Variants in GABRA6 observed in about 807,000 individuals in gnomAD.
GABRA6 encodes gamma-aminobutyric acid receptor subunit alpha-6.
In GABRA6, 45 loss-of-function variants were observed where a neutral mutation model predicts 47.3. The observed-to-expected ratio is 0.95, with a 90% confidence interval of 0.75 to 1.22. GABRA6 has a LOEUF of 1.22. Among genes scored for constraint, GABRA6 ranks in the 50% most tolerant of loss-of-function variants. The pLI is 0.00. For missense variants in GABRA6, 583 were observed against 549.3 expected, an observed-to-expected ratio of 1.06 and a Z score of -0.61; for synonymous variants, 219 against 194.7, an observed-to-expected ratio of 1.12 and a Z score of -1.04.
intron 8 of GABRA6, among the ~76,000 whole-genome samples, chr5:161,696,277 C>T (rs747448913): frequency 3.3e-5 from 5 of 152,004 alleles, no homozygotes; most frequent in Non-Finnish European, 7.4e-5. Flanking sequence ...TACCATGCTG[C>T]TTTCATCTAT....
rs1421880753 is a variant in GABRA6 at position 161,686,026 on chromosome 5, T to C, written c.37T>C (p.Trp13Arg). The C allele has an allele frequency of 1.2e-6, 2 of 1,613,572 alleles. No individual in the cohort carries two copies. The highest frequency in any genetic ancestry group is 1.7e-6 in the Non-Finnish European group (2 of 1,179,616). ...TCTGCCCTGGCTGTGCATTATTCTG[T>C]GGTGAGTAAGATCCTTTTTCCTGAT... ...SSLPWLCIIL[W>R]LENALGKLEV... The change falls in exon 1 of 9, where the codon TGG becomes CGG. Residue 13 changes from tryptophan to arginine, a missense_variant and splice_region_variant. Trp to Arg is a moderately radical substitution (Grantham distance 101). Coordinates refer to ENST00000274545, the MANE Select transcript of GABRA6 (RefSeq NM_000811.3).
rs765245163 is a variant in GABRA6, at chr5:161,701,504, G to A, written c.1093G>A (p.Asp365Asn). The change falls in exon 9 of 9, where the codon GAC becomes AAC. Residue 365 changes from aspartate to asparagine, a missense_variant. Coordinates refer to ENST00000274545, the MANE Select transcript of GABRA6 (RefSeq NM_000811.3). ...PLEAEIVLHP[D>N]SKYHLKKRIT... ...ATTTGTCTTTTTTCCACAGCATCCT[G>A]ACTCCAAATATCATCTGAAGAAAAG... is the stretch of plus-strand genomic sequence containing the variant. The A allele has an allele frequency of 3.1e-6, 5 of 1,613,902 alleles. No homozygotes were observed. The highest frequency in any genetic ancestry group is 2.7e-5 in the African/African-American group (2 of 74,900).
In GABRA6 at chr5:161,689,070, C is replaced by A. The variant is rs780224018; in HGVS notation, c.347C>A (p.Thr116Asn). The change falls in exon 4 of 9, where the codon ACC becomes AAC. Residue 116 changes from threonine to asparagine, a missense_variant. By Grantham distance (65) the Thr-to-Asn change is moderately conservative. Coordinates refer to ENST00000274545, the MANE Select transcript of GABRA6 (RefSeq NM_000811.3). ...GTCAGTAAAATCTGGACGCCTGACA[C>A]CTTTTTCAGAAATGGTAAAAAGTCC... ...LMVSKIWTPDTFFRNGKKSIA... is the reference protein window; with the variant it reads ...LMVSKIWTPDNFFRNGKKSIA... 6.2e-7 allele frequency: 1 copy of A among 1,614,016 alleles called. No individual in the cohort carries two copies.
Position 161,698,120 on chromosome 5 carries a change from C to T in GABRA6, c.1087-3378C>T, listed in dbSNP as rs75988519. Among the ~76,000 whole-genome samples the T allele has an allele frequency of 2.2e-3, 329 of 152,106 alleles. 5 individuals carry two copies. In the East Asian group the frequency reaches 0.046, roughly 21 times the overall value. ...TTTAGATTTTTTTCATTTGTTGATT[C>T]GGCATTTGTTTATTAAAGAAATACT... On this transcript the variant is annotated intron_variant, in intron 8 of 8. Coordinates refer to ENST00000274545, the MANE Select transcript of GABRA6 (RefSeq NM_000811.3).
chr5:161,701,451 A>T (rs1754978427), intron 8 of GABRA6, 47 bp from the exon 9 acceptor site: 1 of 1,579,848 alleles, frequency 6.3e-7, no homozygotes, highest in South Asian at 1.1e-5. Flanking sequence ...GCAATTAAGC[A>T]ATATCTATTC....
Position 161,689,666 on chromosome 5 carries a change from C to G in GABRA6, c.560C>G (p.Thr187Arg). 6.2e-7 allele frequency: 1 copy of G among 1,608,850 alleles called. No homozygotes were observed. The highest frequency in any genetic ancestry group is 8.5e-7 in the Non-Finnish European group (1 of 1,175,488). Residue 187 changes from threonine (T) to arginine (R), a missense_variant, in exon 6 of 9, where the codon ACG becomes AGG. Thr to Arg is a moderately conservative substitution (Grantham distance 71, BLOSUM62 -1). Transcript: ENST00000274545. ...TATCCCAAAAGTGAAATCATATATA[C>G]GTGGAAAAAAGGACCACTTTACTCA... ...YAYPKSEIIY[T>R]WKKGPLYSVE...
chr5:161,692,070 T>C lies in GABRA6; in HGVS notation c.956T>C (p.Ile319Thr), dbSNP rs139230878. The C allele has an allele frequency of 1.2e-5, 19 of 1,614,184 alleles. No homozygotes were observed. The highest frequency in any genetic ancestry group is 4.5e-5 in the East Asian group (2 of 44,876). ...TTTGCATTCGTCTTCTCTGCGCTTA[T>C]CGAGTTCGCAGCTGTCAACTACTTT... The part of the protein sequence containing the change: ...VCFAFVFSAL[I>T]EFAAVNYFTN... The change falls in exon 8 of 9, where the codon ATC (isoleucine) becomes ACC (threonine). Residue 319 changes from isoleucine (I) to threonine (T), a missense_variant. Physicochemically the swap from Ile to Thr is moderately conservative, Grantham distance 89 (BLOSUM62 -1). Coordinates refer to ENST00000274545, the MANE Select transcript of GABRA6 (RefSeq NM_000811.3).
rs1755000918 is a variant in GABRA6 at position 161,702,512 on chromosome 5, C to G, written c.*739C>G. On this transcript the variant is annotated 3_prime_UTR_variant, in exon 9 of 9. Transcript: ENST00000274545. ...GAAAAAAGTACTCATTATAAGGAAGCCTTGTATATTATGACTATGGTTATC... is the reference window on the plus strand; with the variant it reads ...GAAAAAAGTACTCATTATAAGGAAGGCTTGTATATTATGACTATGGTTATC... 6.6e-6 allele frequency: 1 copy of G among 152,090 alleles called. No individual in the cohort carries two copies. Among genetic ancestry groups the G allele is most frequent in the South Asian group, 2.1e-4 (1 of 4,832 alleles). The allele number at this position is 152,090 out of a possible 1,614,324, so 9.4% of individuals were successfully genotyped here. A position where few individuals can be genotyped will look rare whatever the true frequency, so the allele number is the denominator to read the frequency against.
chr5:161,689,565 T>G, intron 5 of GABRA6, 71 bp from the exon 6 acceptor site: 1 of 1,341,136 alleles, frequency 7.5e-7, no homozygotes, highest in South Asian at 1.2e-5. Flanking sequence ...TTATAGACAA[T>G]GTGCACTTTG....
chr5:161,701,634 C>T lies in GABRA6; in HGVS notation c.1223C>T (p.Ser408Leu), dbSNP rs375047095. 19 of 1,614,200 alleles carry T rather than the reference C, an allele frequency of 1.2e-5. No homozygotes were observed. The South Asian group carries it at 1.3e-4, about 11-fold the overall frequency. The change falls in exon 9 of 9, where the codon TCG becomes TTG. Residue 408 changes from serine (S) to leucine (L), a missense_variant. Coordinates refer to ENST00000274545, the MANE Select transcript of GABRA6 (RefSeq NM_000811.3). ...ACACCTGTCACACCCCCACCACTCT[C>T]GCCAGCCTTTGGAGGCACCAGTAAA... ...QSTPVTPPPLSPAFGGTSKID... is the reference protein window; with the variant it reads ...QSTPVTPPPLLPAFGGTSKID...
chr5:161,689,531 C>T (rs954269255), intron 5 of GABRA6, 105 bp from the exon 6 acceptor site: 2 of 1,157,570 alleles, frequency 1.7e-6, no homozygotes, highest in East Asian at 5.1e-5. Flanking sequence ...ACATTAAATA[C>T]AATCTATGTT....
At chr5:161,688,592 T>A (rs1356108152) in intron 3 of GABRA6, among the ~76,000 whole-genome samples, 1 of 152,174 alleles carries the variant, frequency 6.6e-6, no homozygotes, top group East Asian at 1.9e-4. Context: ...ACCGATGGTA[T>A]AAAGGCCAGC....
rs1303778983 is a variant in GABRA6 at position 161,686,231 on chromosome 5, C to T, written c.40C>T (p.Leu14=). Residue 14 remains leucine (L), a splice_region_variant and synonymous_variant, in exon 2 of 9, where the codon CTA becomes TTA. Coordinates refer to ENST00000274545, the MANE Select transcript of GABRA6 (RefSeq NM_000811.3). ...GGATCATTGACTGTCTACACACAGG[C>T]TAGAAAATGCCCTAGGGAAACTCGA... is the stretch of plus-strand genomic sequence containing the variant. ...SLPWLCIILW[L]ENALGKLEVE... 2 of 1,609,494 alleles carry T rather than the reference C, an allele frequency of 1.2e-6. No homozygotes were observed. Among genetic ancestry groups the T allele is most frequent in the South Asian group, 1.1e-5 (1 of 91,010 alleles).
intron 8 of GABRA6, among the ~76,000 whole-genome samples, chr5:161,693,592 C>T (rs190075355): frequency 8.7e-4 from 132 of 152,038 alleles, no homozygotes; most frequent in African/African-American, 2.3e-3. Flanking sequence ...GGGAGGATCA[C>T]TTGAAGCCAG....
chr5:161,690,249 G>C lies in GABRA6; in HGVS notation c.722G>C (p.Gly241Ala). 1 of 1,613,534 alleles carries C rather than the reference G, an allele frequency of 6.2e-7. No individual in the cohort carries two copies. Among genetic ancestry groups the C allele is most frequent in the East Asian group, 2.2e-5 (1 of 44,810 alleles). The change falls in exon 7 of 9, where the codon GGC becomes GCC. Residue 241 changes from glycine to alanine, a missense_variant. By Grantham distance (60) the Gly-to-Ala change is moderately conservative. Coordinates refer to ENST00000274545, the MANE Select transcript of GABRA6 (RefSeq NM_000811.3). ...TACTTCCACTTGCAAAGGAAGATGG[G>C]CTACTTCATGATACAGATATACACT... ...TVYFHLQRKM[G>A]YFMIQIYTPC...
chr5:161,688,582 A>G (rs1214559722), intron 3 of GABRA6, among the ~76,000 whole-genome samples: 1 of 152,194 alleles, frequency 6.6e-6, no homozygotes, highest in Non-Finnish European at 1.5e-5. Context: ...AGTTAGTCTA[A>G]CCGATGGTAT....
chr5:161,697,566 T>C (rs893006207), intron 8 of GABRA6, among the ~76,000 whole-genome samples: 1 of 152,138 alleles, frequency 6.6e-6, no homozygotes, highest in Non-Finnish European at 1.5e-5. Flanking sequence ...TGGGGAGCTA[T>C]TTCCCCCAAG....
At position 161,701,688 on chromosome 5, in the gene GABRA6, C is replaced by T. The variant is rs150186322; in HGVS notation, c.1277C>T (p.Pro426Leu). Residue 426 changes from proline (P) to leucine (L), a missense_variant, in exon 9 of 9, where the codon CCA (proline) becomes CTA (leucine). Physicochemically the swap from Pro to Leu is moderately conservative, Grantham distance 98. Coordinates refer to ENST00000274545, the MANE Select transcript of GABRA6 (RefSeq NM_000811.3). ...KIDQYSRILF[P>L]VAFAGFNLVY... is the part of the protein sequence containing the mutation. ...GACCAGTATTCTCGAATTCTCTTCC[C>T]AGTTGCATTTGCAGGATTCAACCTT... 9 of 1,614,172 alleles carry T rather than the reference C, an allele frequency of 5.6e-6. No homozygotes were observed. The highest frequency in any genetic ancestry group is 7.6e-6 in the Non-Finnish European group (9 of 1,180,010).
At position 161,686,248 on chromosome 5, in the gene GABRA6, G is replaced by A; in HGVS notation, c.57G>A (p.Gly19=). ...CACACAGGCTAGAAAATGCCCTAGGGAAACTCGAAGTTGAAGGCAACTTCT... is the reference window on the plus strand; with the variant it reads ...CACACAGGCTAGAAAATGCCCTAGGAAAACTCGAAGTTGAAGGCAACTTCT... ...CIILWLENAL[G]KLEVEGNFYS... The change falls in exon 2 of 9, where the codon GGG becomes GGA. Residue 19 remains glycine, a synonymous_variant. Transcript: ENST00000274545. 3 of 1,613,778 alleles carry A rather than the reference G, an allele frequency of 1.9e-6. No homozygotes were observed. Among genetic ancestry groups the A allele is most frequent in the Non-Finnish European group, 2.5e-6 (3 of 1,179,678 alleles).
Sources: allele counts gnomAD v4.1 joint callset (sites outside exome capture counted in the v4.1 genomes callset), GRCh38; gene constraint gnomAD v4.1.1; transcripts MANE v1.5; gene names NCBI Gene and HGNC (gene_info 2026-07-23, HGNC 2026-07-21).